Variants in BRINP3 observed in about 807,000 individuals in gnomAD.
BRINP3 encodes BMP/retinoic acid inducible neural specific 3, also known as BMP/retinoic acid-inducible neural-specific protein 3.
A neutral mutation model predicts 71.0 loss-of-function variants in BRINP3; 19 were observed. That is an observed-to-expected ratio of 0.27 (90% CI 0.19 to 0.39). BRINP3 has a LOEUF of 0.39. Ranked by LOEUF, BRINP3 falls within the 10% of genes least tolerant of loss-of-function variation. BRINP3 has a pLI of 1.00. For missense variants in BRINP3, 959 were observed against 940.8 expected (o/e 1.02, Z -0.25); for synonymous variants, 380 against 337.7 (o/e 1.13, Z -1.37).
chr1:190,333,087 T>C (rs1667069914), intron 2 of BRINP3, among the ~76,000 whole-genome samples: 2 of 152,022 alleles, frequency 1.3e-5, no homozygotes, highest in South Asian at 4.1e-4. Context: ...CCAACATTTT[T>C]GGATGCTTAT....
chr1:190,357,669 T>C (rs1668827078), intron 2 of BRINP3, among the ~76,000 whole-genome samples: 1 of 152,002 alleles, frequency 6.6e-6, no homozygotes, highest in Admixed American at 6.6e-5. Flanking sequence ...TATGGTTCCA[T>C]ATGAACTTTA....
At chr1:190,195,859 A>G (rs1482987826) in intron 6 of BRINP3, among the ~76,000 whole-genome samples, 1 of 152,060 alleles carries the variant, frequency 6.6e-6, no homozygotes, top group Non-Finnish European at 1.5e-5. Flanking sequence ...TTGAAAAAAA[A>G]GCTTGTTATC....
intron 5 of BRINP3, among the ~76,000 whole-genome samples, chr1:190,232,833 T>C (rs16832207): frequency 0.018 from 2,741 of 152,260 alleles, 80 homozygotes; most frequent in African/African-American, 0.062. Context: ...CTGTCATTTT[T>C]ATTGCAATTC....
intron 2 of BRINP3, among the ~76,000 whole-genome samples, chr1:190,331,002 A>G (rs1666927563): frequency 6.6e-6 from 1 of 151,886 alleles, no homozygotes; most frequent in Non-Finnish European, 1.5e-5. Flanking sequence ...GGGAGGATTG[A>G]AAATCCATAT....
At chr1:190,204,862 C>G (rs1655353692) in intron 6 of BRINP3, among the ~76,000 whole-genome samples, 1 of 151,938 alleles carries the variant, frequency 6.6e-6, no homozygotes, top group African/African-American at 2.4e-5. Flanking sequence ...TCAAAATTTT[C>G]CTAGGAAATG....
chr1:190,132,838 G>A (rs956772509), intron 7 of BRINP3, among the ~76,000 whole-genome samples: 24 of 152,010 alleles, frequency 1.6e-4, no homozygotes, highest in African/African-American at 5.6e-4. Context: ...GTCATAAAAG[G>A]TTTTGTGTTT....
chr1:190,131,926 G>C (rs1654577419), intron 7 of BRINP3, among the ~76,000 whole-genome samples: 1 of 152,004 alleles, frequency 6.6e-6, no homozygotes, highest in Non-Finnish European at 1.5e-5. Context: ...TACAACATAG[G>C]GCTGTTAGGA....
chr1:190,171,615 A>C (rs1017021604), intron 6 of BRINP3, among the ~76,000 whole-genome samples: 2 of 152,184 alleles, frequency 1.3e-5, no homozygotes, highest in South Asian at 4.1e-4. Context: ...GAAGTGTTAC[A>C]TATATTAAAT....
At chr1:190,204,858 T>G (rs1264561134) in intron 6 of BRINP3, among the ~76,000 whole-genome samples, 2 of 152,038 alleles carry the variant, frequency 1.3e-5, no homozygotes, top group African/African-American at 2.4e-5. Flanking sequence ...TGAATCAAAA[T>G]TTTCCTAGGA....
intron 2 of BRINP3, among the ~76,000 whole-genome samples, chr1:190,408,592 T>A (rs556540128): frequency 2.8e-4 from 42 of 152,334 alleles, no homozygotes; most frequent in Middle Eastern, 6.8e-3. Context: ...ATTCAGCTGA[T>A]TAATTTAAAA....
intron 6 of BRINP3, among the ~76,000 whole-genome samples, chr1:190,177,143 C>A (rs1171867280): frequency 6.8e-6 from 1 of 147,378 alleles, no homozygotes; most frequent in Admixed American, 6.8e-5. Flanking sequence ...CATGGAAGCA[C>A]CCACTTCTTT....
At chr1:190,334,025 A>T (rs1558190546) in intron 2 of BRINP3, among the ~76,000 whole-genome samples, 1 of 151,894 alleles carries the variant, frequency 6.6e-6, no homozygotes. Flanking sequence ...ACAACGCTAT[A>T]TGAGCATGCA....
intron 2 of BRINP3, chr1:190,342,392 A>AG (rs397794397): frequency 6.6e-6 from 1 of 150,664 alleles, no homozygotes; most frequent in African/African-American, 2.4e-5. Context: ...AAAAAAAAAA[A>AG]TGATGGGTTA....
At chr1:190,249,449 A>G (rs1187614347) in intron 4 of BRINP3, among the ~76,000 whole-genome samples, 1 of 151,882 alleles carries the variant, frequency 6.6e-6, no homozygotes, top group African/African-American at 2.4e-5. Context: ...AGAGCAATTA[A>G]ATGTTTTCAC....
chr1:190,143,931 T>C (rs1282783300), intron 7 of BRINP3, among the ~76,000 whole-genome samples: 7 of 152,154 alleles, frequency 4.6e-5, no homozygotes, highest in African/African-American at 1.7e-4. Flanking sequence ...AATAATATGA[T>C]CAATAAAACA....
chr1:190,382,879 G>A (rs1403878270), intron 2 of BRINP3, among the ~76,000 whole-genome samples: 1 of 152,058 alleles, frequency 6.6e-6, no homozygotes, highest in Non-Finnish European at 1.5e-5. Flanking sequence ...AACCAATCCG[G>A]GAAGAGCAAA....
intron 4 of BRINP3, among the ~76,000 whole-genome samples, chr1:190,241,737 G>C (rs745750997): frequency 6.6e-6 from 1 of 151,778 alleles, no homozygotes; most frequent in Non-Finnish European, 1.5e-5. Context: ...TAAAATACAA[G>C]TGTTGATTAG....
At chr1:190,113,624 G>A (rs542263397) in intron 7 of BRINP3, among the ~76,000 whole-genome samples, 1 of 152,244 alleles carries the variant, frequency 6.6e-6, no homozygotes, top group South Asian at 2.1e-4. Context: ...GTCAAAATAA[G>A]TCAGAATTAA....
intron 6 of BRINP3, among the ~76,000 whole-genome samples, chr1:190,198,239 G>A (rs190114301): frequency 5.3e-5 from 8 of 152,282 alleles, no homozygotes; most frequent in African/African-American, 1.9e-4. Flanking sequence ...CTATAGGCCT[G>A]TGATAGGAGA....
Sources: allele counts gnomAD v4.1 joint callset (sites outside exome capture counted in the v4.1 genomes callset), GRCh38; gene constraint gnomAD v4.1.1; transcripts MANE v1.5; gene names NCBI Gene and HGNC (gene_info 2026-07-23, HGNC 2026-07-21).